Variants in POLR2H observed in about 807,000 individuals in gnomAD.
POLR2H encodes DNA-directed RNA polymerases I, II, and III subunit RPABC3.
POLR2H carries 3 observed loss-of-function variants against 18.1 expected under a neutral mutation model. That is an observed-to-expected ratio of 0.17 (90% CI 0.08 to 0.43). The LOEUF (loss-of-function observed/expected upper bound fraction) is 0.43, where lower values mean the gene tolerates loss of function less well. Among genes scored for constraint, POLR2H ranks in the 20% least tolerant of loss-of-function variants. The probability of loss-of-function intolerance (pLI) is 0.99; values close to 1 mark genes in which losing one functional copy is unlikely to be tolerated. For synonymous variants in POLR2H, 76 were observed against 69.0 expected (o/e 1.10, Z -0.50); for missense variants, 103 against 184.6 (o/e 0.56, Z 2.56).
Position 184,362,941 on chromosome 3 carries a change from C to A in POLR2H, c.-552C>A, listed in dbSNP as rs879544434. 1.4e-4 allele frequency: 23 copies of A among 165,994 alleles called. No homozygotes were observed. Among genetic ancestry groups the A allele is most frequent in the Non-Finnish European group, 3.0e-4 (23 of 76,520 alleles). The allele number at this position is 165,994 out of a possible 1,614,324, so 10.3% of individuals were successfully genotyped here. A position where few individuals can be genotyped will look rare whatever the true frequency, so the allele number is the denominator to read the frequency against. ...TTACGTCCAGCAGGGCCGAGCCGGC[C>A]CAGGCCGGCCCCGGGGTCCTCGGTG... On this transcript the variant is annotated 5_prime_UTR_variant, in exon 2 of 6. Transcript: ENST00000456318. This position sits in a 1 kb window ranked among gnomAD's most constrained non-coding sequence, Gnocchi z 5.9.
rs1439866334 is a variant in POLR2H at position 184,362,237 on chromosome 3, C to G, written c.-621+91C>G. The G allele has an allele frequency of 1.3e-5, 2 of 152,320 alleles. No homozygotes were observed. Among genetic ancestry groups the G allele is most frequent in the African/African-American group, 4.8e-5 (2 of 41,440 alleles). 9.4% of individuals were successfully genotyped at this position (152,320 alleles called of 1,614,324 possible). A position where few individuals can be genotyped will look rare whatever the true frequency, so the allele number is the denominator to read the frequency against. On this transcript the variant is annotated intron_variant, in intron 1 of 5. Coordinates refer to ENST00000456318, the MANE Select transcript of POLR2H (RefSeq NM_006232.5). The surrounding 1 kb of genome is among the most constrained non-coding windows in gnomAD (Gnocchi z 5.9). ...AAGGGGTAGGCCGGAGGGAAGGGAG[C>G]TCCAGGTGCCGGGAAGTCTACTCCT...
intron 5 of POLR2H, among the ~76,000 whole-genome samples, chr3:184,367,550 G>A (rs1159608741): frequency 1.3e-5 from 2 of 150,622 alleles, no homozygotes; most frequent in African/African-American, 2.4e-5. Context: ...GCAGTGGCGC[G>A]ATCTCGGCTC....
intron 5 of POLR2H, among the ~76,000 whole-genome samples, chr3:184,367,161 G>T (rs991282669): frequency 6.6e-6 from 1 of 151,856 alleles, no homozygotes; most frequent in Non-Finnish European, 1.5e-5. Context: ...GTGTGTGTGT[G>T]TGTGTGTGTG....
chr3:184,365,971 G>A (rs867627916), intron 4 of POLR2H, among the ~76,000 whole-genome samples: 2 of 137,918 alleles, frequency 1.5e-5, no homozygotes, highest in Non-Finnish European at 1.5e-5. Context: ...GCGAGACTCC[G>A]TCTCAAAAAA....
chr3:184,366,799 C>T lies in POLR2H; in HGVS notation c.334C>T (p.Leu112Phe), dbSNP rs1308039976. ...AACTTCTACTGAAGCAGCAACACGCCTGTAAGTTACGTAATCTTGTGAGGA... is the reference window on the plus strand; with the variant it reads ...AACTTCTACTGAAGCAGCAACACGCTTGTAAGTTACGTAATCTTGTGAGGA... ...DETSTEAATR[L>F]SAYVSYGGLL... The change falls in exon 5 of 6, where the codon CTC (leucine) becomes TTC (phenylalanine). Residue 112 changes from leucine (L) to phenylalanine (F), a missense_variant and splice_region_variant. Physicochemically the swap from Leu to Phe is conservative, Grantham distance 22. Transcript: ENST00000456318. 1 of 1,531,816 alleles carries T rather than the reference C, an allele frequency of 6.5e-7. No homozygotes were observed. The highest frequency in any genetic ancestry group is 9.0e-7 in the Non-Finnish European group (1 of 1,104,994). The allele number at this position is 1,531,816 out of a possible 1,614,324, so 94.9% of individuals were successfully genotyped here. A position where few individuals can be genotyped will look rare whatever the true frequency, so the allele number is the denominator to read the frequency against.
intron 5 of POLR2H, 120 bp from the exon 6 acceptor site, chr3:184,368,057 C>T: frequency 6.9e-7 from 1 of 1,448,494 alleles, no homozygotes; most frequent in Non-Finnish European, 9.6e-7. Context: ...TGATCTTTGT[C>T]AGAATTTTGG....
intron 5 of POLR2H, among the ~76,000 whole-genome samples, chr3:184,367,071 A>G (rs1713419689): frequency 6.7e-6 from 1 of 148,720 alleles, no homozygotes; most frequent in South Asian, 2.1e-4. Context: ...ATGCAGCATT[A>G]AGTGATTAGA....
In POLR2H at chr3:184,368,390, G is replaced by A; in HGVS notation, c.*96G>A. The A allele has an allele frequency of 4.8e-6, 5 of 1,044,394 alleles. No homozygotes were observed. Among genetic ancestry groups the A allele is most frequent in the Non-Finnish European group, 6.9e-6 (5 of 725,746 alleles). 64.7% of individuals were successfully genotyped at this position (1,044,394 alleles called of 1,614,324 possible). On this transcript the variant is annotated 3_prime_UTR_variant, in exon 6 of 6. Coordinates refer to ENST00000456318, the MANE Select transcript of POLR2H (RefSeq NM_006232.5). ...CGCTCTTGCTCACCTGTTGAGGAAGGGCTGGCTCACTGTCCACCGTGGCGG... is the reference window on the plus strand; with the variant it reads ...CGCTCTTGCTCACCTGTTGAGGAAGAGCTGGCTCACTGTCCACCGTGGCGG...
At chr3:184,367,687 T>C (rs1009164352) in intron 5 of POLR2H, among the ~76,000 whole-genome samples, 1 of 152,080 alleles carries the variant, frequency 6.6e-6, no homozygotes, top group African/African-American at 2.4e-5. Context: ...AGACAGGGTT[T>C]CACCATGTTA....
In POLR2H at chr3:184,365,144, C is replaced by T; in HGVS notation, c.169C>T (p.Arg57Trp). Residue 57 changes from arginine (R) to tryptophan (W), a missense_variant, in exon 4 of 6, where the codon CGG becomes TGG. Arg to Trp is a moderately radical substitution (Grantham distance 101). Transcript: ENST00000456318. ...IYPVDLGDKF[R>W]LVIASTLYED... is the part of the protein sequence containing the mutation. ...GCTGTTATTTTCAGGTGACAAGTTT[C>T]GGTTGGTCATAGCTAGTACCTTGTA... 3 of 1,612,494 alleles carry T rather than the reference C, an allele frequency of 1.9e-6. No individual in the cohort carries two copies. The highest frequency in any genetic ancestry group is 2.5e-6 in the Non-Finnish European group (3 of 1,178,528).
At chr3:184,366,546 G>A (rs1713322377) in intron 4 of POLR2H, 171 bp from the exon 5 acceptor site, 2 of 468,450 alleles carry the variant, frequency 4.3e-6, no homozygotes, top group Non-Finnish European at 7.9e-6. Context: ...CACTGTGTTA[G>A]CCAGGATGGT....
chr3:184,368,283 C>T lies in POLR2H; in HGVS notation c.442C>T (p.Leu148=), dbSNP rs765964248. The T allele has an allele frequency of 3.3e-5, 53 of 1,599,324 alleles. No individual in the cohort carries two copies. In the East Asian group the frequency reaches 1.0e-3, roughly 31 times the overall value. Reference sequence around the variant, plus strand: ...CAGAGTTTATCTCCTGATGAAGAAGCTAGCCTTCTGAACCTCGCCTGAAGC... The same window carrying T: ...CAGAGTTTATCTCCTGATGAAGAAGTTAGCCTTCTGAACCTCGCCTGAAGC... ...DSRVYLLMKK[L]AF is the part of the protein sequence containing the mutation. Residue 148 remains leucine (L), a synonymous_variant, in exon 6 of 6, where the codon CTA becomes TTA. Transcript: ENST00000456318.
At chr3:184,366,130 G>A (rs1178439495) in intron 4 of POLR2H, among the ~76,000 whole-genome samples, 1 of 152,146 alleles carries the variant, frequency 6.6e-6, no homozygotes, top group Non-Finnish European at 1.5e-5. Flanking sequence ...GGAGCTTGGT[G>A]TGATGGAAAG....
At chr3:184,363,676 G>T in intron 2 of POLR2H, 111 bp downstream of exon 2, 1 of 739,540 alleles carries the variant, frequency 1.4e-6, no homozygotes. Context: ...GCAGGTCCTG[G>T]TGTAGGGACC....
chr3:184,366,929 T>C (rs1483295438), intron 5 of POLR2H, 129 bp downstream of exon 5: 6 of 653,320 alleles, frequency 9.2e-6, no homozygotes, highest in Non-Finnish European at 1.7e-5. Context: ...TAGAAAGAAA[T>C]AGTTCTGGGA....
chr3:184,363,476 C>T lies in POLR2H; in HGVS notation c.-17C>T. 2 of 1,611,900 alleles carry T rather than the reference C, an allele frequency of 1.2e-6. No individual in the cohort carries two copies. Among genetic ancestry groups the T allele is most frequent in the African/African-American group, 1.3e-5 (1 of 75,036 alleles). On this transcript the variant is annotated 5_prime_UTR_variant, in exon 2 of 6. Coordinates refer to ENST00000456318, the MANE Select transcript of POLR2H (RefSeq NM_006232.5). ...TCGCGCTCTCACCCCTTCTGCTGCT[C>T]TCGTGGCCCCCTCGCGATGGCGGGC...
At position 184,361,770 on chromosome 3, in the gene POLR2H, G is replaced by A. The variant is rs914366544; in HGVS notation, c.-997G>A. ...CGCGGGGCCTCCCGAGAGGCGGCAA[G>A]GGGCGCTGGGAAGGCGCAAGCCCGC... On this transcript the variant is annotated 5_prime_UTR_variant, in exon 1 of 6. Transcript: ENST00000456318. The surrounding 1 kb of genome is among the most constrained non-coding windows in gnomAD (Gnocchi z 6.6). 1.2e-5 allele frequency: 2 copies of A among 167,316 alleles called. No homozygotes were observed. Among genetic ancestry groups the A allele is most frequent in the African/African-American group, 4.8e-5 (2 of 41,762 alleles). 10.4% of individuals were successfully genotyped at this position (167,316 alleles called of 1,614,324 possible).
chr3:184,364,603 T>C, intron 2 of POLR2H: 1 of 220,720 alleles, frequency 4.5e-6, no homozygotes, highest in Non-Finnish European at 8.8e-6. Context: ...TAAGATGTTT[T>C]TCAAGACGGA....
chr3:184,368,129 G>C, intron 5 of POLR2H, 48 bp from the exon 6 acceptor site: 4 of 1,613,580 alleles, frequency 2.5e-6, no homozygotes, highest in East Asian at 2.2e-5. Flanking sequence ...ATTGAGAGCT[G>C]CTGAGTGGCA....
Sources: allele counts gnomAD v4.1 joint callset (sites outside exome capture counted in the v4.1 genomes callset), GRCh38; gene constraint gnomAD v4.1.1; non-coding constraint Gnocchi (gnomAD v3.1); transcripts MANE v1.5; gene names NCBI Gene and HGNC (gene_info 2026-07-23, HGNC 2026-07-21).